Variants in GPC1 observed in about 807,000 individuals in gnomAD.
The protein encoded by GPC1 is glypican 1, also known as glypican-1.
In GPC1, 26 loss-of-function variants were observed where a neutral mutation model predicts 51.5. That is an observed-to-expected ratio of 0.50 (90% confidence interval 0.37 to 0.70). The LOEUF (loss-of-function observed/expected upper bound fraction) is 0.70. Ranked by LOEUF, GPC1 falls within the 30% of genes least tolerant of loss-of-function variation. The pLI is 0.00. For synonymous variants in GPC1, 380 were observed against 348.3 expected, an observed-to-expected ratio of 1.09 and a Z score of -1.01; for missense variants, 775 against 800.5, an observed-to-expected ratio of 0.97 and a Z score of 0.38.
At chr2:240,454,574 T>G (rs1024237317) in intron 1 of GPC1, among the ~76,000 whole-genome samples, 1 of 152,136 alleles carries the variant, frequency 6.6e-6, no homozygotes, top group Non-Finnish European at 1.5e-5. Context: ...CCCTTGCGTG[T>G]TGGGGGGCTG....
chr2:240,464,566 T>C (rs1335795196), intron 4 of GPC1, 50 bp from the exon 5 acceptor site: 1 of 293,924 alleles, frequency 3.4e-6, no homozygotes, highest in East Asian at 4.7e-5. Context: ...TGTCAACGCC[T>C]GTGTGCGCGC....
At position 240,462,570 on chromosome 2, in the gene GPC1, G is replaced by C. The variant is rs1161302348; in HGVS notation, c.705G>C (p.Arg235=). 1 of 1,526,310 alleles carries C rather than the reference G, an allele frequency of 6.6e-7. No homozygotes were observed. The highest frequency in any genetic ancestry group is 8.8e-7 in the Non-Finnish European group (1 of 1,140,458). 94.5% of individuals were successfully genotyped at this position (1,526,310 alleles called of 1,614,324 possible). A position where few individuals can be genotyped will look rare whatever the true frequency, so the allele number is the denominator to read the frequency against. ...QGLGVASDVV[R]KVAQVPLGPE... The stretch of plus-strand genomic sequence containing the variant: ...TGGGCGTGGCCAGCGACGTGGTCCG[G>C]AAAGTGGCTCAGGTGCGCACAGCCA... The change falls in exon 3 of 9, where the codon CGG becomes CGC. Residue 235 remains arginine (R), a synonymous_variant. Coordinates refer to ENST00000264039, the MANE Select transcript of GPC1 (RefSeq NM_002081.3).
intron 1 of GPC1, among the ~76,000 whole-genome samples, chr2:240,445,374 G>GACATCCCA (rs2074042575): frequency 2.0e-5 from 3 of 152,290 alleles, no homozygotes; most frequent in African/African-American, 7.2e-5. Context: ...GGGGTGCTCT[G>GACATCCCA]GTGTTTAGTG....
rs2228329 is a variant in GPC1 at position 240,465,497 on chromosome 2, C to T, written c.1293C>T (p.Asp431=). 1.7e-3 allele frequency: 2,741 copies of T among 1,613,078 alleles called. 37 individuals carry two copies. In the African/African-American group the frequency reaches 0.03, roughly 17 times the overall value. ...GGTACCTCCCCGAGGTCATGGGTGA[C>T]GGCCTGGCCAACCAGATCAACAACC... ...RGRYLPEVMG[D]GLANQINNPE... is the part of the protein sequence containing the mutation. Residue 431 remains aspartate, a synonymous_variant, in exon 8 of 9, where the codon GAC becomes GAT. Transcript: ENST00000264039.
chr2:240,451,404 G>C (rs2074098916), intron 1 of GPC1: 1 of 381,754 alleles, frequency 2.6e-6, no homozygotes, highest in African/African-American at 2.1e-5. Context: ...CCCTGCAGTG[G>C]GTGTACGGGA....
chr2:240,461,037 G>T (rs1217391715), intron 2 of GPC1, among the ~76,000 whole-genome samples: 2 of 147,864 alleles, frequency 1.4e-5, no homozygotes, highest in Non-Finnish European at 1.5e-5. Flanking sequence ...GCAGGAGGTA[G>T]AGCTGGGGAC....
chr2:240,454,100 G>A (rs2151792006), intron 1 of GPC1, among the ~76,000 whole-genome samples: 1 of 152,242 alleles, frequency 6.6e-6, no homozygotes, highest in Middle Eastern at 3.4e-3. Context: ...GTGTGGGGAG[G>A]GGAGGGAAGC....
chr2:240,462,569 G>A lies in GPC1; in HGVS notation c.704G>A (p.Arg235Gln), dbSNP rs146133433. The A allele has an allele frequency of 4.5e-5, 69 of 1,526,558 alleles. No individual in the cohort carries two copies. The highest frequency in any genetic ancestry group is 5.9e-5 in the Non-Finnish European group (67 of 1,140,602). 94.6% of individuals were successfully genotyped at this position (1,526,558 alleles called of 1,614,324 possible). ...QGLGVASDVV[R>Q]KVAQVPLGPE... ...CTGGGCGTGGCCAGCGACGTGGTCC[G>A]GAAAGTGGCTCAGGTGCGCACAGCC... Residue 235 changes from arginine to glutamine, a missense_variant, in exon 3 of 9, where the codon CGG (arginine) becomes CAG (glutamine). Coordinates refer to ENST00000264039, the MANE Select transcript of GPC1 (RefSeq NM_002081.3).
intron 1 of GPC1, chr2:240,452,968 C>A: frequency 2.8e-6 from 1 of 353,598 alleles, no homozygotes; most frequent in South Asian, 1.9e-5. Context: ...GCCCGAGCAC[C>A]TGCACCCAGA....
intron 1 of GPC1, among the ~76,000 whole-genome samples, chr2:240,436,357 G>A (rs2073984289): frequency 1.3e-5 from 2 of 152,104 alleles, no homozygotes; most frequent in African/African-American, 4.8e-5. Context: ...CTTCTTCCCT[G>A]CGGAGCTGAT....
Position 240,435,704 on chromosome 2 carries a change from C to G in GPC1, c.-215C>G, listed in dbSNP as rs1283786794. On this transcript the variant is annotated 5_prime_UTR_variant, in exon 1 of 9. Coordinates refer to ENST00000264039, the MANE Select transcript of GPC1 (RefSeq NM_002081.3). ...GCTAGCCCGCCGCGCTCTGGGCTGC[C>G]CGAGCGAGCGTTCGGACCTCGCACC... The G allele has an allele frequency of 2.8e-5, 6 of 212,432 alleles. No homozygotes were observed. Among genetic ancestry groups the G allele is most frequent in the Non-Finnish European group, 4.6e-5 (5 of 109,888 alleles). 13.2% of individuals were successfully genotyped at this position (212,432 alleles called of 1,614,324 possible). A position where few individuals can be genotyped will look rare whatever the true frequency, so the allele number is the denominator to read the frequency against.
At chr2:240,458,705 C>A (rs1173504255) in intron 1 of GPC1, 3 of 309,260 alleles carry the variant, frequency 9.7e-6, no homozygotes, top group African/African-American at 2.1e-5. Context: ...TCCACACTTG[C>A]ACACAGGAAC....
In GPC1 at chr2:240,435,976, T is replaced by C; in HGVS notation, c.58T>C (p.Cys20Arg). ...LLCAAAALVA[C>R]ARGDPASKSR... Reference sequence around the variant, plus strand: ...ATGTGCGGCCGCAGCGCTGGTCGCCTGCGCCCGCGGGGACCCGGCCAGCAA... The same window carrying C: ...ATGTGCGGCCGCAGCGCTGGTCGCCCGCGCCCGCGGGGACCCGGCCAGCAA... Residue 20 changes from cysteine (C) to arginine (R), a missense_variant, in exon 1 of 9, where the codon TGC becomes CGC. Cys to Arg is a radical substitution (Grantham distance 180, BLOSUM62 -3). Transcript: ENST00000264039. 7.4e-7 allele frequency: 1 copy of C among 1,355,420 alleles called. No homozygotes were observed. 84.0% of individuals were successfully genotyped at this position (1,355,420 alleles called of 1,614,324 possible). A position where few individuals can be genotyped will look rare whatever the true frequency, so the allele number is the denominator to read the frequency against.
chr2:240,462,630 G>C lies in GPC1; in HGVS notation c.717+48G>C, dbSNP rs1427144605. On this transcript the variant is annotated intron_variant, in intron 3 of 8. Transcript: ENST00000264039. Reference sequence around the variant, plus strand: ...CTCAGAAACCCCTCCAGACCCCCATGCTCTGCCCAAGGGACTTCCTCTTCC... The same window carrying C: ...CTCAGAAACCCCTCCAGACCCCCATCCTCTGCCCAAGGGACTTCCTCTTCC... 3.4e-6 allele frequency: 5 copies of C among 1,479,390 alleles called. No homozygotes were observed. The African/African-American group carries it at 4.2e-5, about 12-fold the overall frequency. The allele number at this position is 1,479,390 out of a possible 1,614,324, so 91.6% of individuals were successfully genotyped here. A position where few individuals can be genotyped will look rare whatever the true frequency, so the allele number is the denominator to read the frequency against.
rs2074251980 is a variant in GPC1, at chr2:240,465,383, G to A, written c.1269-90G>A. 2.1e-6 allele frequency: 3 copies of A among 1,404,664 alleles called. No homozygotes were observed. In the South Asian group the frequency reaches 3.9e-5, roughly 18 times the overall value. 87.0% of individuals were successfully genotyped at this position (1,404,664 alleles called of 1,614,324 possible). A position where few individuals can be genotyped will look rare whatever the true frequency, so the allele number is the denominator to read the frequency against. Reference sequence around the variant, plus strand: ...TCCCTGGAAGCTGCTGGGCATCTCAGGCTCAGAGCGTGGGAGAGTGTCCTG... The same window carrying A: ...TCCCTGGAAGCTGCTGGGCATCTCAAGCTCAGAGCGTGGGAGAGTGTCCTG... On this transcript the variant is annotated intron_variant, in intron 7 of 8. Coordinates refer to ENST00000264039, the MANE Select transcript of GPC1 (RefSeq NM_002081.3).
At chr2:240,442,029 C>T (rs1349520311) in intron 1 of GPC1, among the ~76,000 whole-genome samples, 2 of 152,148 alleles carry the variant, frequency 1.3e-5, no homozygotes, top group Non-Finnish European at 2.9e-5. Context: ...GAGGGCCAGG[C>T]CAGCCTCACA....
At chr2:240,447,207 C>T (rs2074056008) in intron 1 of GPC1, among the ~76,000 whole-genome samples, 1 of 152,094 alleles carries the variant, frequency 6.6e-6, no homozygotes, top group African/African-American at 2.4e-5. Flanking sequence ...AGGTCTGAGT[C>T]GAAATTGAGG....
chr2:240,443,309 C>T (rs1359478632), intron 1 of GPC1, among the ~76,000 whole-genome samples: 2 of 152,176 alleles, frequency 1.3e-5, no homozygotes, highest in African/African-American at 2.4e-5. Flanking sequence ...GGACTTTGGG[C>T]GGGGAGGCAG....
At chr2:240,460,500 C>T (rs530545533) in intron 2 of GPC1, among the ~76,000 whole-genome samples, 9 of 152,178 alleles carry the variant, frequency 5.9e-5, no homozygotes, top group Non-Finnish European at 1.3e-4. Context: ...CTTCCCCTCT[C>T]CTGCTAATAC....
Sources: allele counts gnomAD v4.1 joint callset (sites outside exome capture counted in the v4.1 genomes callset), GRCh38; gene constraint gnomAD v4.1.1; transcripts MANE v1.5; gene names NCBI Gene and HGNC (gene_info 2026-07-23, HGNC 2026-07-21).